AUTS2: variants seen among roughly 807,000 people sequenced by gnomAD.
AUTS2 encodes the protein activator of transcription and developmental regulator AUTS2.
A neutral mutation model predicts 112.4 loss-of-function variants in AUTS2; 17 were observed. The observed-to-expected ratio is 0.15, with a 90% CI of 0.10 to 0.23. AUTS2 has a LOEUF of 0.23. AUTS2 is among the 10% of genes least tolerant of loss of function. AUTS2 has a pLI of 1.00. For synonymous variants in AUTS2, 751 were observed against 702.7 expected (o/e 1.07, Z -1.09); for missense variants, 1,510 against 1,701.6 (o/e 0.89, Z 1.98).
chr7:70,280,754 G>T (rs1788178687), intron 4 of AUTS2, among the ~76,000 whole-genome samples: 1 of 152,030 alleles, frequency 6.6e-6, no homozygotes, highest in Admixed American at 6.6e-5. Context: ...GGGTATTTTG[G>T]ATTGACACAT....
chr7:70,691,350 G>C (rs1302879706), intron 5 of AUTS2, among the ~76,000 whole-genome samples: 1 of 150,986 alleles, frequency 6.6e-6, no homozygotes, highest in Non-Finnish European at 1.5e-5. Context: ...TAACAGAAAA[G>C]ATAGCTTCCA....
chr7:70,409,996 T>C (rs997331392), intron 4 of AUTS2, among the ~76,000 whole-genome samples: 11 of 152,216 alleles, frequency 7.2e-5, no homozygotes, highest in Non-Finnish European at 1.5e-4. Flanking sequence ...AGAAGCTAGA[T>C]CCACTTCAAG....
intron 6 of AUTS2, among the ~76,000 whole-genome samples, chr7:70,751,541 T>C (rs186855590): frequency 6.6e-6 from 1 of 152,318 alleles, no homozygotes; most frequent in Non-Finnish European, 1.5e-5. Context: ...GCCTAAGGAA[T>C]GTGTGCTGTG....
intron 5 of AUTS2, among the ~76,000 whole-genome samples, chr7:70,617,433 T>C (rs1804431572): frequency 1.3e-5 from 2 of 151,904 alleles, no homozygotes; most frequent in South Asian, 2.1e-4. Flanking sequence ...GAGGCCGAGG[T>C]GGGCGGATCA....
intron 4 of AUTS2, among the ~76,000 whole-genome samples, chr7:70,355,815 G>A: frequency 6.6e-6 from 1 of 152,150 alleles, no homozygotes; most frequent in East Asian, 1.9e-4. Flanking sequence ...ATTGTTCCAA[G>A]TTTAGACAGG....
At chr7:70,419,522 T>C (rs191935903) in intron 4 of AUTS2, among the ~76,000 whole-genome samples, 27 of 152,320 alleles carry the variant, frequency 1.8e-4, no homozygotes, top group African/African-American at 6.3e-4. Context: ...CCTTGCTATG[T>C]GCTGACAGTA....
At chr7:69,634,569 G>T (rs966052009) in intron 1 of AUTS2, among the ~76,000 whole-genome samples, 1 of 152,180 alleles carries the variant, frequency 6.6e-6, no homozygotes, top group Non-Finnish European at 1.5e-5. Context: ...TGAAAATCTA[G>T]ACTTGTAGCC....
chr7:69,776,369 A>G (rs1788897954), intron 1 of AUTS2, among the ~76,000 whole-genome samples: 2 of 152,126 alleles, frequency 1.3e-5, no homozygotes, highest in South Asian at 4.1e-4. Context: ...GGAAAATACT[A>G]TGGTTCTGTT....
intron 4 of AUTS2, among the ~76,000 whole-genome samples, chr7:70,361,248 G>C (rs745674416): frequency 4.8e-4 from 73 of 152,168 alleles, no homozygotes; most frequent in Non-Finnish European, 9.1e-4. Flanking sequence ...CAGGAGAATG[G>C]CGTGAACACG....
At chr7:70,126,467 C>G (rs1431267326) in intron 3 of AUTS2, among the ~76,000 whole-genome samples, 1 of 152,072 alleles carries the variant, frequency 6.6e-6, no homozygotes, top group Non-Finnish European at 1.5e-5. Context: ...ATTCCCAGAC[C>G]ATGTTGCCTG....
chr7:70,728,683 G>A (rs1787175860), intron 6 of AUTS2, among the ~76,000 whole-genome samples: 1 of 143,856 alleles, frequency 7.0e-6, no homozygotes, highest in African/African-American at 2.6e-5. Flanking sequence ...ACTCCAGCCT[G>A]GGAGACAGAG....
At chr7:69,825,372 T>TA (rs56318437) in intron 1 of AUTS2, among the ~76,000 whole-genome samples, 2 of 152,138 alleles carry the variant, frequency 1.3e-5, no homozygotes, top group African/African-American at 4.8e-5. Context: ...TTGATGTTTT[T>TA]AAAAAACTCC....
chr7:70,000,694 A>G (rs1467778448), intron 2 of AUTS2, among the ~76,000 whole-genome samples: 1 of 152,222 alleles, frequency 6.6e-6, no homozygotes, highest in Non-Finnish European at 1.5e-5. Flanking sequence ...TTAAACAAAA[A>G]CAGAGATCAA....
chr7:69,762,893 A>G (rs1349600136), intron 1 of AUTS2, among the ~76,000 whole-genome samples: 1 of 152,182 alleles, frequency 6.6e-6, no homozygotes, highest in Non-Finnish European at 1.5e-5. Context: ...ATGTTCTTAC[A>G]TGCTCCTCAG....
At chr7:70,506,482 A>G (rs1214505707) in intron 5 of AUTS2, among the ~76,000 whole-genome samples, 1 of 152,240 alleles carries the variant, frequency 6.6e-6, no homozygotes, top group Non-Finnish European at 1.5e-5. Context: ...GGCTAACTGT[A>G]GTTCAAACCA....
At chr7:69,661,257 C>G (rs778878025) in intron 1 of AUTS2, among the ~76,000 whole-genome samples, 17 of 152,098 alleles carry the variant, frequency 1.1e-4, no homozygotes, top group Admixed American at 2.0e-4. Flanking sequence ...CCTGCTTTAC[C>G]AAAATGTTGT....
chr7:70,127,989 G>A (rs948317451), intron 3 of AUTS2, among the ~76,000 whole-genome samples: 3 of 151,398 alleles, frequency 2.0e-5, no homozygotes, highest in Non-Finnish European at 4.4e-5. Flanking sequence ...TCCATGCCAG[G>A]TTGTTTGACC....
intron 6 of AUTS2, among the ~76,000 whole-genome samples, chr7:70,733,367 C>T (rs1206539567): frequency 1.3e-5 from 2 of 152,134 alleles, no homozygotes; most frequent in Admixed American, 1.3e-4. Flanking sequence ...AACTTAGAAA[C>T]CCTCACTGCT....
intron 4 of AUTS2, among the ~76,000 whole-genome samples, chr7:70,267,458 T>C (rs1297707867): frequency 6.6e-6 from 1 of 152,152 alleles, no homozygotes; most frequent in Non-Finnish European, 1.5e-5. Context: ...TAGGAAGCAA[T>C]GCTGACTCTT....
Sources: allele counts gnomAD v4.1 joint callset (sites outside exome capture counted in the v4.1 genomes callset), GRCh38; gene constraint gnomAD v4.1.1; transcripts MANE v1.5; gene names NCBI Gene and HGNC (gene_info 2026-07-23, HGNC 2026-07-21).